Variants in OGFOD2 observed in about 807,000 individuals in gnomAD.
OGFOD2 encodes 2-oxoglutarate and iron dependent oxygenase domain containing 2.
A neutral mutation model predicts 31.1 loss-of-function variants in OGFOD2; 34 were observed. The observed-to-expected ratio is 1.09, with a 90% CI of 0.83 to 1.45. The LOEUF (loss-of-function observed/expected upper bound fraction) is 1.45. OGFOD2 is among the 40% of genes most tolerant of loss of function. OGFOD2 has a pLI of 0.00. For synonymous variants in OGFOD2, 240 were observed against 192.3 expected (o/e 1.25, Z -2.05); for missense variants, 537 against 433.9 (o/e 1.24, Z -2.11).
upstream of OGFOD2, chr12:122,974,919 G>A (rs949528453): frequency 1.5e-4 from 32 of 217,318 alleles, no homozygotes; most frequent in Admixed American, 8.4e-4. Flanking sequence ...GGCGGGGGGT[G>A]GGTCGGCGTT....
At chr12:122,975,941 C>T in intron 2 of OGFOD2, 74 bp downstream of exon 2, 1 of 684,762 alleles carries the variant, frequency 1.5e-6, no homozygotes, top group Non-Finnish European at 2.7e-6. Flanking sequence ...CAGCTTGAGC[C>T]TAGCCTCAGT....
chr12:122,979,306 G>A lies in OGFOD2; in HGVS notation c.1013G>A (p.Arg338Gln), dbSNP rs759485700. The change falls in exon 7 of 7, where the codon CGA (arginine) becomes CAA (glutamine). Residue 338 changes from arginine to glutamine, a missense_variant. Coordinates refer to ENST00000228922, the Ensembl canonical transcript of OGFOD2. ...GAGGGCTTCGGTGATGGCTTCACCCGAGAGGAGCCCGCCACGGTGGATGTA... is the reference window on the plus strand; with the variant it reads ...GAGGGCTTCGGTGATGGCTTCACCCAAGAGGAGCCCGCCACGGTGGATGTA... 1.7e-5 allele frequency: 27 copies of A among 1,612,434 alleles called. No homozygotes were observed. The Middle Eastern group carries it at 9.9e-4, about 59-fold the overall frequency.
At chr12:122,977,016 C>T in intron 4 of OGFOD2, 46 bp downstream of exon 4, 1 of 1,554,270 alleles carries the variant, frequency 6.4e-7, no homozygotes, top group Non-Finnish European at 8.8e-7. Context: ...GAATGGCAGC[C>T]TGGGAAACCT....
intron 1 of OGFOD2, 127 bp from the exon 2 acceptor site, chr12:122,975,684 C>T: frequency 1.5e-6 from 1 of 649,090 alleles, no homozygotes; most frequent in Middle Eastern, 2.4e-4. Context: ...TTCCGCAGTT[C>T]ATTCTCTCCA....
chr12:122,977,070 C>A, intron 4 of OGFOD2, 100 bp downstream of exon 4: 1 of 1,135,162 alleles, frequency 8.8e-7, no homozygotes, highest in Non-Finnish European at 1.3e-6. Flanking sequence ...TCTCTGCCTC[C>A]AAAAACCAAA....
At position 122,975,913 on chromosome 12, in the gene OGFOD2, G is replaced by C. The variant is rs769470286; in HGVS notation, c.189+46G>C. ...CACAGCTCCTCCTCGTTAGATTTGT[G>C]TCCGCAGCTTGAGGACACAGCTTGA... On this transcript the variant is annotated intron_variant, in intron 2 of 6. Transcript: ENST00000228922. 61 of 692,920 alleles carry C rather than the reference G, an allele frequency of 8.8e-5. No homozygotes were observed. In the Admixed American group the frequency reaches 1.2e-3, roughly 14 times the overall value. 42.9% of individuals were successfully genotyped at this position (692,920 alleles called of 1,614,324 possible).
exon 7 of OGFOD2, chr12:122,979,509 G>A: frequency 1.1e-6 from 1 of 922,404 alleles, no homozygotes; most frequent in Non-Finnish European, 1.6e-6. Context: ...GTTCAGGTTT[G>A]TCAGAAGCAG....
chr12:122,978,580 C>G lies in OGFOD2; in HGVS notation c.531+11C>G, dbSNP rs1427447469. ...ATGAACAACTACGGGGTGGGTGAGG[C>G]CTGGCCGGTGGCAGAGGAGGGGGTG... On this transcript the variant is annotated intron_variant, in intron 5 of 6. Coordinates refer to ENST00000228922, the Ensembl canonical transcript of OGFOD2. The G allele has an allele frequency of 6.2e-7, 1 of 1,609,068 alleles. No individual in the cohort carries two copies. The highest frequency in any genetic ancestry group is 1.7e-5 in the Admixed American group (1 of 59,956).
In OGFOD2 at chr12:122,979,361, A is replaced by G. The variant is rs189082092; in HGVS notation, c.*15A>G. 182 of 1,581,932 alleles carry G rather than the reference A, an allele frequency of 1.2e-4. No individual in the cohort carries two copies. In the African/African-American group the frequency reaches 2.1e-3, roughly 18 times the overall value. ...CGCTCACCTGAGCTTGCTTGGGCCC[A>G]GTGTGGGGGTGGCAGGCAGGTGAGG... On this transcript the variant is annotated 3_prime_UTR_variant, in exon 7 of 7. Coordinates refer to ENST00000228922, the Ensembl canonical transcript of OGFOD2.
Position 122,979,063 on chromosome 12 carries a change from C to T in OGFOD2, c.790-20C>T. 1 of 1,599,594 alleles carries T rather than the reference C, an allele frequency of 6.3e-7. No homozygotes were observed. The highest frequency in any genetic ancestry group is 1.3e-5 in the African/African-American group (1 of 74,782). On this transcript the variant is annotated intron_variant, in intron 6 of 6. Coordinates refer to ENST00000228922, the Ensembl canonical transcript of OGFOD2. ...CTGGGGCAGCTGTGAGTGCCCAGGC[C>T]TGAGTCGTGCCATCTGCAGGCACCC... is the stretch of plus-strand genomic sequence containing the variant.
chr12:122,976,640 C>G lies in OGFOD2; in HGVS notation c.190-14C>G. On this transcript the variant is annotated splice_polypyrimidine_tract_variant and intron_variant, in intron 2 of 6. Transcript: ENST00000228922. Reference sequence around the variant, plus strand: ...TGGGAGGCCCCACCTGGTAACAACCCTGTGCCACCCCAGCTTGAGCAGGAG... The same window carrying G: ...TGGGAGGCCCCACCTGGTAACAACCGTGTGCCACCCCAGCTTGAGCAGGAG... 1 of 1,566,750 alleles carries G rather than the reference C, an allele frequency of 6.4e-7. No individual in the cohort carries two copies. Among genetic ancestry groups the G allele is most frequent in the Admixed American group, 1.7e-5 (1 of 59,980 alleles).
At chr12:122,978,209 C>T (rs576082198) in intron 4 of OGFOD2, 12 of 478,924 alleles carry the variant, frequency 2.5e-5, no homozygotes, top group African/African-American at 1.9e-4. Flanking sequence ...TGTGAGCTCC[C>T]AGGGCCAGCC....
chr12:122,979,238 C>T, exon 7 of OGFOD2: 7 of 1,612,872 alleles, frequency 4.3e-6, no homozygotes, highest in Non-Finnish European at 5.9e-6. Context: ...TGCGCAACAG[C>T]CTCTGTCCCA....
chr12:122,976,590 C>T (rs1242039380), intron 2 of OGFOD2, 64 bp from the exon 3 acceptor site: 22 of 1,347,672 alleles, frequency 1.6e-5, no homozygotes, highest in Non-Finnish European at 1.9e-5. Context: ...TCAGTTTCTT[C>T]ATCTGTACAG....
At chr12:122,975,408 G>A (rs1422042907) in intron 1 of OGFOD2, 25 bp downstream of exon 1, 4 of 685,384 alleles carry the variant, frequency 5.8e-6, no homozygotes, top group Non-Finnish European at 8.0e-6. Flanking sequence ...TCGTCCCTAC[G>A]GAGCAGTGGG....
Position 122,975,710 on chromosome 12 carries a change from G to A in OGFOD2, c.133-101G>A, listed in dbSNP as rs1408983016. ...ATTCTCTCCATGATCCTTTGAGGTC[G>A]GGGCTCCTCTCCCCATTTTAAGCAG... On this transcript the variant is annotated intron_variant, in intron 1 of 6. Coordinates refer to ENST00000228922, the Ensembl canonical transcript of OGFOD2. 5 of 670,024 alleles carry A rather than the reference G, an allele frequency of 7.5e-6. No homozygotes were observed. In the East Asian group the frequency reaches 1.4e-4, roughly 18 times the overall value. The allele number at this position is 670,024 out of a possible 1,614,324, so 41.5% of individuals were successfully genotyped here.
chr12:122,974,827 A>C (rs2037358358), upstream of OGFOD2: 1 of 159,386 alleles, frequency 6.3e-6, no homozygotes, highest in Non-Finnish European at 1.4e-5. Flanking sequence ...GGATGATTGA[A>C]GCACCAGCGG....
intron 1 of OGFOD2, 96 bp from the exon 2 acceptor site, chr12:122,975,715 T>C: frequency 1.5e-6 from 1 of 673,258 alleles, no homozygotes; most frequent in Non-Finnish European, 2.8e-6. Flanking sequence ...AGGTCGGGGC[T>C]CCTCTCCCCA....
chr12:122,977,085 C>CTGGA lies in OGFOD2; in HGVS notation c.403+115_403+116insTGGA, dbSNP rs759074666. 32 of 981,110 alleles carry CTGGA rather than the reference C, an allele frequency of 3.3e-5. No homozygotes were observed. In the East Asian group the frequency reaches 7.8e-4, roughly 24 times the overall value. 60.8% of individuals were successfully genotyped at this position (981,110 alleles called of 1,614,324 possible). On this transcript the variant is annotated intron_variant, in intron 4 of 6. Transcript: ENST00000228922. ...TCTCTGCCTCCAAAAACCAAACCAG[C>CTGGA]AGGAGCTGGAAGGGTCAGTGGGACC...
Sources: gnomAD v4.1 joint callset for allele counts on GRCh38, gnomAD v4.1.1 for gene constraint, MANE v1.5 for transcripts, NCBI Gene and HGNC (gene_info 2026-07-23, HGNC 2026-07-21) for gene names.